The following CTNNA3 variants were observed in gnomAD, a reference collection of about 807,000 sequenced individuals.
CTNNA3 encodes catenin alpha-3.
In CTNNA3, 76 loss-of-function variants were observed where a neutral mutation model predicts 95.7. The ratio of observed to expected loss-of-function variants is 0.79; its 90% CI spans 0.66 to 0.96. The LOEUF is 0.96. CTNNA3 is among the 40% of genes least tolerant of loss of function. CTNNA3 has a pLI of 0.00. For synonymous variants in CTNNA3, 431 were observed against 374.4 expected (o/e 1.15, Z -1.74); for missense variants, 1,191 against 1,089.8 (o/e 1.09, Z -1.31).
chr10:67,588,470 G>T (rs1436660219), intron 3 of CTNNA3, among the ~76,000 whole-genome samples: 2 of 151,934 alleles, frequency 1.3e-5, no homozygotes, highest in Non-Finnish European at 2.9e-5. Flanking sequence ...AACCTTAGTG[G>T]TATCTGCGGT....
At position 67,708,148 on chromosome 10, in the gene CTNNA3, C is replaced by G. The variant is rs1841088102; in HGVS notation, c.-2+55286G>C. Among the ~76,000 whole-genome samples the G allele has an allele frequency of 2.6e-5, 4 of 152,052 alleles. No individual in the cohort carries two copies. In the South Asian group the frequency reaches 8.3e-4, roughly 31 times the overall value. ...TAGAAGGGCTAAAATGAATGTTTTT[C>G]TCATTAATTTTTCTCATTTAATTTT... On this transcript the variant is annotated intron_variant, in intron 1 of 17. Transcript: ENST00000684154.
Position 65,962,809 on chromosome 10 carries a change from C to T in CTNNA3, c.2400+3803G>A, listed in dbSNP as rs113572323. ...CTTACGAGTGAGAACATGTGGTGTT[C>T]GGTTTTCTGTTCTTGTGTTAGTTTG... On this transcript the variant is annotated intron_variant, in intron 17 of 17. Transcript: ENST00000433211. 8.1e-5 allele frequency among the ~76,000 whole-genome samples: 12 copies of T among 147,794 alleles called. No homozygotes were observed. The East Asian group carries it at 1.3e-3, about 15-fold the overall frequency.
chr10:67,312,160 C>T (rs1034841177), intron 5 of CTNNA3, among the ~76,000 whole-genome samples: 3 of 151,496 alleles, frequency 2.0e-5, no homozygotes, highest in South Asian at 2.1e-4. Flanking sequence ...GCAGCCTCTG[C>T]CTCCGGGGTT....
chr10:67,125,976 C>G (rs1045069252), intron 7 of CTNNA3, among the ~76,000 whole-genome samples: 4 of 152,162 alleles, frequency 2.6e-5, no homozygotes, highest in Admixed American at 2.0e-4. Flanking sequence ...CTTGGTTTTT[C>G]ACGTTCTGTT....
At chr10:66,306,224 C>T (rs1224634727) in intron 12 of CTNNA3, among the ~76,000 whole-genome samples, 1 of 152,198 alleles carries the variant, frequency 6.6e-6, no homozygotes, top group Non-Finnish European at 1.5e-5. Context: ...CCATCAGCCA[C>T]CTGGATTTTG....
At chr10:66,407,586 AT>A (rs34735022) in intron 11 of CTNNA3, among the ~76,000 whole-genome samples, 52,761 of 147,348 alleles carry the variant, frequency 0.36, 10,760 homozygotes, top group East Asian at 0.56. Flanking sequence ...ACTTTTACAT[AT>A]TTTTTTTTTT....
At chr10:65,978,970 G>A in intron 16 of CTNNA3, among the ~76,000 whole-genome samples, 1 of 152,090 alleles carries the variant, frequency 6.6e-6, no homozygotes, top group East Asian at 1.9e-4. Flanking sequence ...CAGTGGTAGA[G>A]GATAACATTG....
intron 7 of CTNNA3, among the ~76,000 whole-genome samples, chr10:67,170,831 T>C (rs1205272626): frequency 1.3e-5 from 2 of 152,186 alleles, no homozygotes; most frequent in Admixed American, 6.5e-5. Context: ...TGCTATGCTG[T>C]CTACCATGGC....
chr10:66,554,403 T>A (rs1842326790), intron 10 of CTNNA3, among the ~76,000 whole-genome samples: 1 of 151,472 alleles, frequency 6.6e-6, no homozygotes, highest in Non-Finnish European at 1.5e-5. Flanking sequence ...CAGTGTGGGG[T>A]AAATCTTAGT....
intron 13 of CTNNA3, among the ~76,000 whole-genome samples, chr10:66,253,074 G>T (rs964651937): frequency 2.0e-5 from 3 of 152,086 alleles, no homozygotes; most frequent in South Asian, 2.1e-4. Context: ...TTTTTATTCT[G>T]CTGTCTAAAG....
intron 11 of CTNNA3, among the ~76,000 whole-genome samples, chr10:66,415,478 C>G (rs1216949892): frequency 6.6e-6 from 1 of 152,086 alleles, no homozygotes; most frequent in Non-Finnish European, 1.5e-5. Context: ...TATTAGCTGC[C>G]CATGGACCCA....
chr10:66,341,789 G>C (rs2092455377), intron 12 of CTNNA3, among the ~76,000 whole-genome samples: 1 of 151,852 alleles, frequency 6.6e-6, no homozygotes, highest in African/African-American at 2.4e-5. Flanking sequence ...GATGGCCGCT[G>C]AGTCTGTGTG....
intron 13 of CTNNA3, among the ~76,000 whole-genome samples, chr10:66,272,382 T>C (rs982223148): frequency 1.3e-5 from 2 of 152,160 alleles, no homozygotes; most frequent in Non-Finnish European, 2.9e-5. Flanking sequence ...AAATTGGAAA[T>C]GGTGCCTGAA....
At chr10:66,202,939 C>T (rs770366198) in intron 13 of CTNNA3, among the ~76,000 whole-genome samples, 1 of 152,148 alleles carries the variant, frequency 6.6e-6, no homozygotes, top group Non-Finnish European at 1.5e-5. Context: ...AGCAAGGTTT[C>T]CTCCTTTTAG....
rs758887606 is a variant in CTNNA3 at position 65,914,873 on chromosome 10, T to A, written c.*5457A>T. 2.6e-5 allele frequency: 4 copies of A among 152,162 alleles called. No homozygotes were observed. The highest frequency in any genetic ancestry group is 5.9e-5 in the Non-Finnish European group (4 of 68,030). 9.4% of individuals were successfully genotyped at this position (152,162 alleles called of 1,614,324 possible). A position where few individuals can be genotyped will look rare whatever the true frequency, so the allele number is the denominator to read the frequency against. ...GTGAGAATATTCAGCTAATTATATA[T>A]CTGTCTTGAATGATGTAAAATATAT... On this transcript the variant is annotated 3_prime_UTR_variant, in exon 18 of 18. Coordinates refer to ENST00000433211, the MANE Select transcript of CTNNA3 (RefSeq NM_013266.4).
intron 15 of CTNNA3, among the ~76,000 whole-genome samples, chr10:66,040,540 G>A (rs988862445): frequency 6.6e-5 from 10 of 151,750 alleles, no homozygotes; most frequent in Admixed American, 5.9e-4. Flanking sequence ...GGAATACTAT[G>A]CAGCCATAAA....
rs560675620 is a variant in CTNNA3, at chr10:66,745,093, C to T, written c.1281+21171G>A. 2.0e-5 allele frequency among the ~76,000 whole-genome samples: 3 copies of T among 152,134 alleles called. No homozygotes were observed. In the East Asian group the frequency reaches 5.8e-4, roughly 29 times the overall value. ...TGTTCACAGCCAGCTCCACCCCCAGCGCTTCTCAGCTCTCATCCACCATGC... is the reference window on the plus strand; with the variant it reads ...TGTTCACAGCCAGCTCCACCCCCAGTGCTTCTCAGCTCTCATCCACCATGC... On this transcript the variant is annotated intron_variant, in intron 9 of 17. Transcript: ENST00000433211.
chr10:66,282,910 T>TG (rs1564837846), intron 12 of CTNNA3, among the ~76,000 whole-genome samples: 1 of 151,494 alleles, frequency 6.6e-6, no homozygotes, highest in African/African-American at 2.4e-5. Context: ...ATGAATGAAT[T>TG]AATTAATTAA....
chr10:66,309,634 T>C (rs1748698470), intron 12 of CTNNA3, among the ~76,000 whole-genome samples: 3 of 127,502 alleles, frequency 2.4e-5, no homozygotes, highest in African/African-American at 6.2e-5. Flanking sequence ...TGCAGTGAGC[T>C]GAGATCGCGC....
Sources: allele counts gnomAD v4.1 joint callset (sites outside exome capture counted in the v4.1 genomes callset), GRCh38; gene constraint gnomAD v4.1.1; transcripts MANE v1.5; gene names NCBI Gene and HGNC (gene_info 2026-07-23, HGNC 2026-07-21).